RABGAP1L: variants seen among roughly 807,000 people sequenced by gnomAD.
RABGAP1L encodes rab GTPase-activating protein 1-like.
A neutral mutation model predicts 137.7 loss-of-function variants in RABGAP1L; 63 were observed. The ratio of observed to expected loss-of-function variants is 0.46; its 90% CI spans 0.37 to 0.56. The LOEUF is 0.56. Among genes scored for constraint, RABGAP1L ranks in the 20% least tolerant of loss-of-function variants. The pLI is 0.00. For synonymous variants in RABGAP1L, 431 were observed against 433.7 expected (o/e 0.99, Z 0.08); for missense variants, 1,095 against 1,244.0 (o/e 0.88, Z 1.80).
chr1:174,341,226 A>C (rs1681945671), intron 11 of RABGAP1L, among the ~76,000 whole-genome samples: 1 of 152,178 alleles, frequency 6.6e-6, no homozygotes, highest in African/African-American at 2.4e-5. Context: ...ATGTGTATAC[A>C]ACTGTCCATC....
chr1:174,702,891 A>G (rs990911090), intron 17 of RABGAP1L, among the ~76,000 whole-genome samples: 17 of 152,232 alleles, frequency 1.1e-4, no homozygotes, highest in African/African-American at 3.8e-4. Flanking sequence ...TTATGCATAT[A>G]TATGGCTTAT....
intron 17 of RABGAP1L, among the ~76,000 whole-genome samples, chr1:174,715,895 G>A (rs2148572660): frequency 1.3e-5 from 2 of 152,222 alleles, no homozygotes; most frequent in East Asian, 3.9e-4. Context: ...TTTTCCAGCT[G>A]CACTTTTCAG....
intron 18 of RABGAP1L, among the ~76,000 whole-genome samples, chr1:174,766,433 T>C (rs1252022283): frequency 6.6e-6 from 1 of 152,178 alleles, no homozygotes; most frequent in East Asian, 1.9e-4. Flanking sequence ...ATTTCTGGAG[T>C]CTCTATTCCC....
Position 174,621,459 on chromosome 1 carries a change from C to G in RABGAP1L, c.1711-15916C>G, listed in dbSNP as rs1270502458. On this transcript the variant is annotated intron_variant, in intron 13 of 25. Transcript: ENST00000681986. ...AGCTACCTGACTTCAAACTATACTA[C>G]AAGGCTACAGTAACCAAAACAGCAT... Among the ~76,000 whole-genome samples, 5 of 152,308 alleles carry G rather than the reference C, an allele frequency of 3.3e-5. No homozygotes were observed. In the Middle Eastern group the frequency reaches 0.014, roughly 414 times the overall value.
chr1:174,482,616 T>C (rs1161216015), intron 13 of RABGAP1L, among the ~76,000 whole-genome samples: 1 of 152,166 alleles, frequency 6.6e-6, no homozygotes, highest in Non-Finnish European at 1.5e-5. Flanking sequence ...TAGCCTCTAA[T>C]AGCTGGGAAT....
At chr1:174,316,677 G>T (rs562703022) in intron 11 of RABGAP1L, among the ~76,000 whole-genome samples, 15 of 152,230 alleles carry the variant, frequency 9.9e-5, no homozygotes, top group Admixed American at 9.8e-4. Flanking sequence ...GTTCACTCAG[G>T]CTCTGGAGCT....
At chr1:174,787,695 A>T (rs1687557123) in intron 18 of RABGAP1L, among the ~76,000 whole-genome samples, 1 of 152,172 alleles carries the variant, frequency 6.6e-6, no homozygotes, top group African/African-American at 2.4e-5. Flanking sequence ...CAATTGCATG[A>T]TCAAATGTTT....
chr1:174,560,818 T>G (rs1177962855), intron 13 of RABGAP1L, among the ~76,000 whole-genome samples: 1 of 152,198 alleles, frequency 6.6e-6, no homozygotes, highest in Non-Finnish European at 1.5e-5. Context: ...CATGTGGTAT[T>G]TGGTTTTCTG....
chr1:174,361,267 G>A (rs1342430067), intron 11 of RABGAP1L, among the ~76,000 whole-genome samples: 1 of 149,490 alleles, frequency 6.7e-6, no homozygotes, highest in African/African-American at 2.5e-5. Flanking sequence ...ACTATTCTGA[G>A]TCTATTGTGA....
chr1:174,904,042 C>A (rs933322340), intron 19 of RABGAP1L, among the ~76,000 whole-genome samples: 10 of 151,870 alleles, frequency 6.6e-5, no homozygotes, highest in Middle Eastern at 3.5e-3. Flanking sequence ...CCCCTCCCCC[C>A]ACAGAAAACC....
At chr1:174,978,123 A>G (rs1670806178) in intron 22 of RABGAP1L, among the ~76,000 whole-genome samples, 1 of 152,172 alleles carries the variant, frequency 6.6e-6, no homozygotes, top group South Asian at 2.1e-4. Flanking sequence ...GAGCTTTTCC[A>G]TCACCTTAAT....
At position 174,992,581 on chromosome 1, in the gene RABGAP1L, T is replaced by C. The variant is rs948074205; in HGVS notation, c.*2580T>C. On this transcript the variant is annotated 3_prime_UTR_variant, in exon 26 of 26. Coordinates refer to ENST00000681986, the MANE Select transcript of RABGAP1L (RefSeq NM_001366446.1). ...TCCAGCCCCATATCATACTTGGGTA[T>C]GCCTGTTGGTACCATAAGCCTAAAC... 3.9e-5 allele frequency: 6 copies of C among 152,214 alleles called. No homozygotes were observed. The highest frequency in any genetic ancestry group is 3.9e-4 in the East Asian group (2 of 5,180). 9.4% of individuals were successfully genotyped at this position (152,214 alleles called of 1,614,324 possible).
chr1:174,763,153 T>C (rs1480741771), intron 18 of RABGAP1L, among the ~76,000 whole-genome samples: 1 of 152,038 alleles, frequency 6.6e-6, no homozygotes, highest in East Asian at 1.9e-4. Flanking sequence ...ATTGCTCTTG[T>C]CCCCAGTATT....
chr1:174,404,798 C>G (rs1649066736), intron 13 of RABGAP1L, among the ~76,000 whole-genome samples: 1 of 152,110 alleles, frequency 6.6e-6, no homozygotes, highest in Non-Finnish European at 1.5e-5. Flanking sequence ...AAACCTGTAT[C>G]AGACAGCAAA....
intron 13 of RABGAP1L, among the ~76,000 whole-genome samples, chr1:174,584,003 C>G (rs1668933414): frequency 6.6e-6 from 1 of 152,022 alleles, no homozygotes; most frequent in Non-Finnish European, 1.5e-5. Context: ...GAGTTTTTTT[C>G]ACTTCCATAA....
intron 13 of RABGAP1L, among the ~76,000 whole-genome samples, chr1:174,619,185 G>T (rs1230071836): frequency 6.6e-6 from 1 of 152,160 alleles, no homozygotes; most frequent in Non-Finnish European, 1.5e-5. Context: ...GAAAGCGACG[G>T]GGAGAATGGA....
intron 13 of RABGAP1L, among the ~76,000 whole-genome samples, chr1:174,636,366 A>G (rs575701385): frequency 1.2e-4 from 18 of 152,110 alleles, no homozygotes; most frequent in African/African-American, 3.9e-4. Flanking sequence ...AAAAATACAC[A>G]CACACAAAAA....
At chr1:174,310,318 T>C (rs1332281696) in intron 11 of RABGAP1L, among the ~76,000 whole-genome samples, 7 of 152,204 alleles carry the variant, frequency 4.6e-5, no homozygotes, top group African/African-American at 1.4e-4. Flanking sequence ...AAAAAGATAC[T>C]TGATACTATT....
intron 19 of RABGAP1L, among the ~76,000 whole-genome samples, chr1:174,826,423 T>C (rs901695361): frequency 1.3e-5 from 2 of 152,170 alleles, no homozygotes; most frequent in South Asian, 4.1e-4. Context: ...GGTTTCACCA[T>C]GTTGGCCAGG....
Sources: allele counts gnomAD v4.1 joint callset (sites outside exome capture counted in the v4.1 genomes callset), GRCh38; gene constraint gnomAD v4.1.1; transcripts MANE v1.5; gene names NCBI Gene and HGNC (gene_info 2026-07-23, HGNC 2026-07-21).